The following DNAH14 variants were observed in gnomAD, a reference collection of about 807,000 sequenced individuals.
The protein encoded by DNAH14 is dynein axonemal heavy chain 14.
In DNAH14, 478 loss-of-function variants were observed where a neutral mutation model predicts 520.9. That is an observed-to-expected ratio of 0.92 (90% confidence interval 0.85 to 0.99). The LOEUF is 0.99. DNAH14 is among the 50% of genes least tolerant of loss of function. The pLI is 0.00. For missense variants in DNAH14, 4,831 were observed against 5,234.5 expected, an observed-to-expected ratio of 0.92 and a Z score of 2.38; for synonymous variants, 1,581 against 1,757.2, an observed-to-expected ratio of 0.90 and a Z score of 2.51.
At chr1:224,958,083 A>G (rs1040670537) in intron 3 of DNAH14, among the ~76,000 whole-genome samples, 2 of 152,118 alleles carry the variant, frequency 1.3e-5, no homozygotes, top group African/African-American at 4.8e-5. Context: ...AGATGGGTGC[A>G]CATGTGGGTT....
chr1:225,000,071 T>G (rs557277059), intron 8 of DNAH14, among the ~76,000 whole-genome samples: 1 of 152,334 alleles, frequency 6.6e-6, no homozygotes, highest in South Asian at 2.1e-4. Context: ...AAGAACTTTC[T>G]GTAGCCATAT....
chr1:225,077,375 T>C (rs1384015031), intron 17 of DNAH14, among the ~76,000 whole-genome samples: 1 of 152,240 alleles, frequency 6.6e-6, no homozygotes, highest in Non-Finnish European at 1.5e-5. Context: ...TATCTGGTTT[T>C]GGTATCAATA....
At chr1:225,335,992 CATATGCATATATGTATACGCAT>C (rs1291116406) in intron 66 of DNAH14, among the ~76,000 whole-genome samples, 3 of 133,568 alleles carry the variant, frequency 2.2e-5, no homozygotes, top group Non-Finnish European at 4.9e-5. Flanking sequence ...TATATACACA[CATATGCATATATGTATACGCAT>C]ATATGCATAT....
chr1:225,031,794 A>G (rs1449486150), intron 11 of DNAH14, among the ~76,000 whole-genome samples: 1 of 152,088 alleles, frequency 6.6e-6, no homozygotes, highest in Non-Finnish European at 1.5e-5. Flanking sequence ...GAAGACATTA[A>G]AAGTATTGTT....
At chr1:225,067,828 T>G (rs571473158) in intron 17 of DNAH14, among the ~76,000 whole-genome samples, 57 of 152,334 alleles carry the variant, frequency 3.7e-4, no homozygotes, top group African/African-American at 1.3e-3. Context: ...TTTGTTTACA[T>G]TCCTTATAGA....
rs180783638 is a variant in DNAH14, at chr1:225,270,916, A to G, written c.7671+50A>G. On this transcript the variant is annotated intron_variant, in intron 50 of 85. Coordinates refer to ENST00000682510, the MANE Select transcript of DNAH14 (RefSeq NM_001367479.1). ...CTGAAAAAAATTAATTCCCTAGAAT[A>G]AGGAAAAATACGAGAACTTAAATCC... 258 of 1,501,076 alleles carry G rather than the reference A, an allele frequency of 1.7e-4. 1 individual carries two copies. The African/African-American group carries it at 3.2e-3, about 19-fold the overall frequency. The allele number at this position is 1,501,076 out of a possible 1,614,324, so 93.0% of individuals were successfully genotyped here. A position where few individuals can be genotyped will look rare whatever the true frequency, so the allele number is the denominator to read the frequency against.
At chr1:225,282,467 G>A (rs2093647623) in intron 54 of DNAH14, among the ~76,000 whole-genome samples, 1 of 152,184 alleles carries the variant, frequency 6.6e-6, no homozygotes, top group South Asian at 2.1e-4. Flanking sequence ...TCTTAGTTTA[G>A]GTTCCCCCAT....
At chr1:225,191,212 A>G (rs932620750) in intron 37 of DNAH14, among the ~76,000 whole-genome samples, 1 of 152,062 alleles carries the variant, frequency 6.6e-6, no homozygotes, top group East Asian at 1.9e-4. Flanking sequence ...AGCCTGAAGC[A>G]TTTATCCCTT....
intron 72 of DNAH14, among the ~76,000 whole-genome samples, chr1:225,352,871 A>G (rs1184638339): frequency 1.3e-5 from 2 of 151,922 alleles, no homozygotes; most frequent in African/African-American, 4.8e-5. Context: ...TCCTCCTCCC[A>G]CAGTTTTCTC....
chr1:225,271,875 G>T, intron 50 of DNAH14, 31 bp from the exon 51 acceptor site: 1 of 1,524,632 alleles, frequency 6.6e-7, no homozygotes, highest in Non-Finnish European at 8.8e-7. Context: ...CAAATTTTTG[G>T]CAAGCTAAAT....
intron 62 of DNAH14, 38 bp downstream of exon 62, chr1:225,322,861 A>G (rs990954408): frequency 6.6e-7 from 1 of 1,507,216 alleles, no homozygotes; most frequent in Admixed American, 2.0e-5. Context: ...TCTCATATTT[A>G]CAGTCTGTGG....
intron 1 of DNAH14, among the ~76,000 whole-genome samples, chr1:224,936,139 A>G (rs1341498380): frequency 6.6e-6 from 1 of 151,954 alleles, no homozygotes. Flanking sequence ...TTAACAATCT[A>G]ATGATGTACC....
intron 1 of DNAH14, among the ~76,000 whole-genome samples, chr1:224,943,383 C>G (rs2059562172): frequency 6.8e-6 from 1 of 147,290 alleles, no homozygotes; most frequent in Admixed American, 6.6e-5. Flanking sequence ...ATTCCTCTCT[C>G]TTTTCTTCTT....
In DNAH14 at chr1:224,960,168, G is replaced by A; in HGVS notation, c.233G>A (p.Ser78Asn). ...TTATTTTCAGATTACCTTAGAGAAAGTATAATTCAACAACATATGGTTTCT... is the reference window on the plus strand; with the variant it reads ...TTATTTTCAGATTACCTTAGAGAAAATATAATTCAACAACATATGGTTTCT... ...SEKTEDYLRESIIQQHMVSPE... is the reference protein window; with the variant it reads ...SEKTEDYLRENIIQQHMVSPE... The change falls in exon 4 of 86, where the codon AGT becomes AAT. Residue 78 changes from serine (S) to asparagine (N), a missense_variant. Physicochemically the swap from Ser to Asn is conservative, Grantham distance 46. Transcript: ENST00000682510. The A allele has an allele frequency of 6.3e-7, 1 of 1,591,498 alleles. No homozygotes were observed. The highest frequency in any genetic ancestry group is 1.2e-5 in the South Asian group (1 of 86,552).
At chr1:225,136,536 G>A (rs2078968011) in intron 27 of DNAH14, among the ~76,000 whole-genome samples, 1 of 152,040 alleles carries the variant, frequency 6.6e-6, no homozygotes, top group Non-Finnish European at 1.5e-5. Flanking sequence ...TTAGTCTGAT[G>A]GGTTTTCCCT....
chr1:225,117,846 C>A, intron 24 of DNAH14, 35 bp from the exon 25 acceptor site: 2 of 1,516,094 alleles, frequency 1.3e-6, no homozygotes, highest in South Asian at 1.2e-5. Flanking sequence ...GATCACAATT[C>A]AATAATATTA....
chr1:225,178,518 T>C (rs1429382136), intron 36 of DNAH14, among the ~76,000 whole-genome samples: 1 of 152,152 alleles, frequency 6.6e-6, no homozygotes, highest in African/African-American at 2.4e-5. Context: ...GGAGATACAA[T>C]TCAAGTTGAG....
intron 36 of DNAH14, among the ~76,000 whole-genome samples, chr1:225,179,925 A>T (rs1016579646): frequency 6.6e-6 from 1 of 152,062 alleles, no homozygotes; most frequent in African/African-American, 2.4e-5. Context: ...CAGGACTTCA[A>T]ATATATGATC....
chr1:224,960,385 ACTGACTTT>A, intron 4 of DNAH14, 83 bp downstream of exon 4: 2 of 1,344,252 alleles, frequency 1.5e-6, no homozygotes, highest in Admixed American at 2.8e-5. Context: ...TATATTGGAC[ACTGACTTT>A]AGAAAAAACA....
Sources: gnomAD v4.1 joint callset for allele counts (sites outside exome capture counted in the v4.1 genomes callset) on GRCh38, gnomAD v4.1.1 for gene constraint, MANE v1.5 for transcripts, NCBI Gene and HGNC (gene_info 2026-07-23, HGNC 2026-07-21) for gene names.